Variants in ASGR2 observed in about 807,000 individuals in gnomAD.
ASGR2 encodes C-type lectin domain family 4 member H2.
In ASGR2, 34 loss-of-function variants were observed where a neutral mutation model predicts 32.3. That is an observed-to-expected ratio of 1.05 (90% CI 0.80 to 1.40). ASGR2 has a LOEUF of 1.40. Ranked by LOEUF, ASGR2 falls within the 40% of genes most tolerant of loss-of-function variation. The pLI is 0.00. For synonymous variants in ASGR2, 143 were observed against 150.0 expected, an observed-to-expected ratio of 0.95 and a Z score of 0.34; for missense variants, 385 against 386.4, an observed-to-expected ratio of 1.00 and a Z score of 0.03.
rs1011457092 is a variant in ASGR2, at chr17:7,113,309, C to A, written c.124+808G>T. Among the ~76,000 whole-genome samples the A allele has an allele frequency of 1.4e-5, 2 of 142,668 alleles. No individual in the cohort carries two copies. Among genetic ancestry groups the A allele is most frequent in the Non-Finnish European group, 3.1e-5 (2 of 64,974 alleles). The allele number at this position is 142,668 out of a possible 152,430, so 93.6% of individuals were successfully genotyped here. A position where few individuals can be genotyped will look rare whatever the true frequency, so the allele number is the denominator to read the frequency against. On this transcript the variant is annotated intron_variant, in intron 2 of 8. Coordinates refer to ENST00000691900, the MANE Select transcript of ASGR2 (RefSeq NM_001201352.2). This position sits in a 1 kb window ranked among gnomAD's most constrained non-coding sequence, Gnocchi z 5.1. ...CTACACACACACACACACACACATA[C>A]AATCACATACACACACTAACACACA...
chr17:7,104,176 T>G (rs1913267201), intron 7 of ASGR2, among the ~76,000 whole-genome samples: 1 of 151,364 alleles, frequency 6.6e-6, no homozygotes, highest in African/African-American at 2.4e-5. Context: ...CGGAGAAACC[T>G]CATCTCCACT....
At chr17:7,103,372 A>G (rs995247729) in intron 7 of ASGR2, among the ~76,000 whole-genome samples, 8 of 152,234 alleles carry the variant, frequency 5.3e-5, no homozygotes, top group African/African-American at 1.9e-4. Flanking sequence ...AGAGGAGTCA[A>G]CGGAGTTGGA....
In ASGR2 at chr17:7,107,626, C is replaced by T; in HGVS notation, c.409+210G>A. 1 of 696,122 alleles carries T rather than the reference C, an allele frequency of 1.4e-6. No individual in the cohort carries two copies. Among genetic ancestry groups the T allele is most frequent in the Non-Finnish European group, 2.5e-6 (1 of 405,038 alleles). 43.1% of individuals were successfully genotyped at this position (696,122 alleles called of 1,614,324 possible). A position where few individuals can be genotyped will look rare whatever the true frequency, so the allele number is the denominator to read the frequency against. On this transcript the variant is annotated intron_variant, in intron 5 of 8. Transcript: ENST00000691900. The surrounding 1 kb of genome is among the most constrained non-coding windows in gnomAD (Gnocchi z 5.0). ...CCACCACACATGCATACACACACAACACACACATATACACCACACTACACA... is the reference window on the plus strand; with the variant it reads ...CCACCACACATGCATACACACACAATACACACATATACACCACACTACACA...
Position 7,108,798 on chromosome 17 carries a change from A to T in ASGR2, c.215T>A (p.Val72Glu). 6.2e-7 allele frequency: 1 copy of T among 1,613,966 alleles called. No individual in the cohort carries two copies. Among genetic ancestry groups the T allele is most frequent in the Admixed American group, 1.7e-5 (1 of 59,998 alleles). The change falls in exon 3 of 9, where the codon GTG becomes GAG. Residue 72 changes from valine to glutamate, a missense_variant. Coordinates refer to ENST00000691900, the MANE Select transcript of ASGR2 (RefSeq NM_001201352.2). This position sits in a 1 kb window ranked among gnomAD's most constrained non-coding sequence, Gnocchi z 4.9. Reference protein sequence around the residue: ...LALSFNILLLVVICVTGSQSA... With the variant: ...LALSFNILLLEVICVTGSQSA... ...TTGGGACCCAGTCACACAGATGACC[A>T]CCAGCAGCAGGATGTTGAAGCTCAG...
At position 7,107,348 on chromosome 17, in the gene ASGR2, C is replaced by T. The variant is rs554632701; in HGVS notation, c.410-31G>A. On this transcript the variant is annotated intron_variant, in intron 5 of 8. Transcript: ENST00000691900. The surrounding 1 kb of genome is among the most constrained non-coding windows in gnomAD (Gnocchi z 5.0). ...ACAGACAGGCTGAAAGTGCTGCCGGCAGGTGTGGTCCCCACCTGCTAGGCT... is the reference window on the plus strand; with the variant it reads ...ACAGACAGGCTGAAAGTGCTGCCGGTAGGTGTGGTCCCCACCTGCTAGGCT... 280 of 1,605,402 alleles carry T rather than the reference C, an allele frequency of 1.7e-4. 3 individuals are homozygous for T. In the South Asian group the frequency reaches 2.6e-3, roughly 15 times the overall value.
At chr17:7,111,489 T>A (rs762810104) in intron 2 of ASGR2, among the ~76,000 whole-genome samples, 11 of 151,886 alleles carry the variant, frequency 7.2e-5, no homozygotes, top group Non-Finnish European at 1.0e-4. Context: ...ACCCCATCTC[T>A]ACTAAAAATA....
chr17:7,114,509 T>C lies in ASGR2; in HGVS notation c.-71+106A>G, dbSNP rs1915228041. ...GCCAGGAGACCCCTCCCCACGCTCA[T>C]GGACCCGACCACCCACAGCTTCCCA... On this transcript the variant is annotated intron_variant, in intron 1 of 8. Coordinates refer to ENST00000691900, the MANE Select transcript of ASGR2 (RefSeq NM_001201352.2). This position sits in a 1 kb window ranked among gnomAD's most constrained non-coding sequence, Gnocchi z 4.5. The C allele has an allele frequency of 4.7e-6, 6 of 1,281,444 alleles. No homozygotes were observed. The highest frequency in any genetic ancestry group is 3.5e-5 in the East Asian group (1 of 28,394). The allele number at this position is 1,281,444 out of a possible 1,614,324, so 79.4% of individuals were successfully genotyped here.
At position 7,102,073 on chromosome 17, in the gene ASGR2, G is replaced by A; in HGVS notation, c.755+17C>T. ...CCAGAGAAATCTAACAAGGAGATGA[G>A]GGAAGAGGCCACTTACTTGTAGTTG... On this transcript the variant is annotated intron_variant, in intron 8 of 8. Transcript: ENST00000691900. 7.5e-6 allele frequency: 12 copies of A among 1,604,966 alleles called. No individual in the cohort carries two copies. The highest frequency in any genetic ancestry group is 1.3e-5 in the African/African-American group (1 of 74,834).
intron 7 of ASGR2, 137 bp from the exon 8 acceptor site, chr17:7,102,333 A>C (rs1230580163): frequency 1.4e-6 from 1 of 719,858 alleles, no homozygotes; most frequent in Non-Finnish European, 2.5e-6. Flanking sequence ...TCCCGACAAG[A>C]CTGCTTCCTA....
Position 7,108,099 on chromosome 17 carries a change from C to T in ASGR2, c.338-192G>A, listed in dbSNP as rs767497335. Among the ~76,000 whole-genome samples the T allele has an allele frequency of 6.6e-6, 1 of 152,188 alleles. No homozygotes were observed. The highest frequency in any genetic ancestry group is 1.5e-5 in the Non-Finnish European group (1 of 68,032). On this transcript the variant is annotated intron_variant, in intron 4 of 8. Coordinates refer to ENST00000691900, the MANE Select transcript of ASGR2 (RefSeq NM_001201352.2). This position sits in a 1 kb window ranked among gnomAD's most constrained non-coding sequence, Gnocchi z 4.9. Reference sequence around the variant, plus strand: ...CTGCTTCAGTCCCTTCAATGGGTCCCCATTTTCTCAAAATAAAGCCTCGCT... The same window carrying T: ...CTGCTTCAGTCCCTTCAATGGGTCCTCATTTTCTCAAAATAAAGCCTCGCT...
chr17:7,103,200 C>A (rs1254156284), intron 7 of ASGR2, among the ~76,000 whole-genome samples: 1 of 152,228 alleles, frequency 6.6e-6, no homozygotes, highest in African/African-American at 2.4e-5. Flanking sequence ...CCTAATTCTA[C>A]TCTCACTCTC....
At position 7,108,686 on chromosome 17, in the gene ASGR2, C is replaced by T. The variant is rs1914201896; in HGVS notation, c.241+86G>A. ...CTCCACCCCGCCTCCATCCCTTCCC[C>T]TCCCATCGCCCCGATCGCTGCCCGC... On this transcript the variant is annotated intron_variant, in intron 3 of 8. Coordinates refer to ENST00000691900, the MANE Select transcript of ASGR2 (RefSeq NM_001201352.2). This position sits in a 1 kb window ranked among gnomAD's most constrained non-coding sequence, Gnocchi z 4.9. 8 of 1,609,072 alleles carry T rather than the reference C, an allele frequency of 5.0e-6. No homozygotes were observed. The highest frequency in any genetic ancestry group is 6.8e-6 in the Non-Finnish European group (8 of 1,176,702).
Position 7,108,442 on chromosome 17 carries a change from C to G in ASGR2, c.337+20G>C. ...CAAACCTGTGCGGATAAATGAGAAC[C>G]CAGCCGTCCAGCCCCTCACCGTGGG... On this transcript the variant is annotated intron_variant, in intron 4 of 8. Transcript: ENST00000691900. This position sits in a 1 kb window ranked among gnomAD's most constrained non-coding sequence, Gnocchi z 4.9. 1.3e-6 allele frequency: 2 copies of G among 1,570,960 alleles called. No individual in the cohort carries two copies. The highest frequency in any genetic ancestry group is 1.7e-6 in the Non-Finnish European group (2 of 1,157,382).
intron 7 of ASGR2, among the ~76,000 whole-genome samples, chr17:7,106,747 CA>C (rs1158570287): frequency 3.3e-5 from 5 of 151,646 alleles, no homozygotes; most frequent in Admixed American, 1.3e-4. Context: ...ACTAAAAATA[CA>C]AAAAAATTAG....
rs1915046859 is a variant in ASGR2, at chr17:7,113,554, C to CACACAACATACACACACTCACAT, written c.124+562_124+563insATGTGAGTGTGTGTATGTTGTGT. 6.7e-6 allele frequency among the ~76,000 whole-genome samples: 1 copy of CACACAACATACACACACTCACAT among 150,206 alleles called. No individual in the cohort carries two copies. Among genetic ancestry groups the CACACAACATACACACACTCACAT allele is most frequent in the Non-Finnish European group, 1.5e-5 (1 of 67,500 alleles). On this transcript the variant is annotated intron_variant, in intron 2 of 8. Transcript: ENST00000691900. This position sits in a 1 kb window ranked among gnomAD's most constrained non-coding sequence, Gnocchi z 5.1. ...CACACACTCATACACAACATACATA[C>CACACAACATACACACACTCACAT]ACACAACATACACACAACATACACA... is the stretch of plus-strand genomic sequence containing the variant.
At position 7,107,811 on chromosome 17, in the gene ASGR2, G is replaced by A. The variant is rs561436259; in HGVS notation, c.409+25C>T. 41 of 1,549,516 alleles carry A rather than the reference G, an allele frequency of 2.6e-5. No homozygotes were observed. Among genetic ancestry groups the A allele is most frequent in the South Asian group, 1.0e-4 (9 of 88,290 alleles). On this transcript the variant is annotated intron_variant, in intron 5 of 8. Transcript: ENST00000691900. This position sits in a 1 kb window ranked among gnomAD's most constrained non-coding sequence, Gnocchi z 5.0. The stretch of plus-strand genomic sequence containing the variant: ...CACACGTACACATGCACGCACATGC[G>A]CACACACCCCGGAGGCTCTCTGACC...
chr17:7,104,001 TA>T (rs71157244), intron 7 of ASGR2, among the ~76,000 whole-genome samples: 53 of 133,958 alleles, frequency 4.0e-4, no homozygotes, highest in African/African-American at 8.9e-4. Context: ...AAAGAAGATA[TA>T]AAAAAAAAAG....
In ASGR2 at chr17:7,114,208, C is replaced by A. The variant is rs942813713; in HGVS notation, c.33G>T (p.Leu11=). 3 of 1,614,170 alleles carry A rather than the reference C, an allele frequency of 1.9e-6. No homozygotes were observed. Among genetic ancestry groups the A allele is most frequent in the Admixed American group, 1.7e-5 (1 of 60,020 alleles). Reference sequence around the variant, plus strand: ...AAGGATGGTCATTTTCCTCCGAGCTCAGCTGCTGGATATCTTGAAAGTCCT... The same window carrying A: ...AAGGATGGTCATTTTCCTCCGAGCTAAGCTGCTGGATATCTTGAAAGTCCT... The part of the protein sequence containing the change: MAKDFQDIQQ[L]SSEENDHPFH... Residue 11 remains leucine, a synonymous_variant, in exon 2 of 9, where the codon CTG becomes CTT. Coordinates refer to ENST00000691900, the MANE Select transcript of ASGR2 (RefSeq NM_001201352.2). This position sits in a 1 kb window ranked among gnomAD's most constrained non-coding sequence, Gnocchi z 4.5.
At chr17:7,106,355 C>T (rs1314540179) in intron 7 of ASGR2, among the ~76,000 whole-genome samples, 1 of 152,150 alleles carries the variant, frequency 6.6e-6, no homozygotes, top group East Asian at 1.9e-4. Context: ...GCACCGTCCA[C>T]CACGAAGTTG....
Sources: gnomAD v4.1 joint callset for allele counts (sites outside exome capture counted in the v4.1 genomes callset) on GRCh38, gnomAD v4.1.1 for gene constraint, Gnocchi (gnomAD v3.1) non-coding constraint, MANE v1.5 for transcripts, NCBI Gene and HGNC (gene_info 2026-07-23, HGNC 2026-07-21) for gene names.